The following COL4A3 variants were observed in gnomAD, a reference collection of about 807,000 sequenced individuals.
The protein encoded by COL4A3 is collagen alpha-3(IV) chain.
In COL4A3, 135 loss-of-function variants were observed where a neutral mutation model predicts 217.4. The ratio of observed to expected loss-of-function variants is 0.62; its 90% CI spans 0.54 to 0.72. The LOEUF is 0.72. Ranked by LOEUF, COL4A3 falls within the 30% of genes least tolerant of loss-of-function variation. The pLI, the probability that COL4A3 is intolerant of heterozygous loss-of-function variation, is 0.00. For missense variants in COL4A3, 1,868 were observed against 2,119.9 expected, an observed-to-expected ratio of 0.88 and a Z score of 2.33; for synonymous variants, 690 against 736.3, an observed-to-expected ratio of 0.94 and a Z score of 1.02.
In COL4A3 at chr2:227,237,365, T is replaced by G. The variant is rs184228060; in HGVS notation, c.88-603T>G. Among the ~76,000 whole-genome samples, 5 of 152,322 alleles carry G rather than the reference T, an allele frequency of 3.3e-5. No individual in the cohort carries two copies. In the South Asian group the frequency reaches 8.3e-4, roughly 25 times the overall value. ...TATATTGCATATTAATCTACACAAA[T>G]ATATATAAGGTTGGTGCAAAAGTTA... On this transcript the variant is annotated intron_variant, in intron 1 of 51. Coordinates refer to ENST00000396578, the MANE Select transcript of COL4A3 (RefSeq NM_000091.5).
intron 48 of COL4A3, among the ~76,000 whole-genome samples, chr2:227,308,493 C>A (rs577924116): frequency 1.3e-5 from 2 of 152,230 alleles, no homozygotes; most frequent in Non-Finnish European, 2.9e-5. Flanking sequence ...GGATTACAGG[C>A]GTGAGCCACC....
rs570842748 is a variant in COL4A3, at chr2:227,212,662, T to G, written c.88-25306T>G. ...CACAGTATCTTAATTACTATAATTT[T>G]ATACTATAAGTGTTGGAATCTAGAA... On this transcript the variant is annotated intron_variant, in intron 1 of 51. Coordinates refer to ENST00000396578, the MANE Select transcript of COL4A3 (RefSeq NM_000091.5). Among the ~76,000 whole-genome samples, 6 of 152,366 alleles carry G rather than the reference T, an allele frequency of 3.9e-5. No homozygotes were observed. In the East Asian group the frequency reaches 1.2e-3, roughly 29 times the overall value.
At chr2:227,199,706 C>T (rs552956450) in intron 1 of COL4A3, among the ~76,000 whole-genome samples, 2 of 152,324 alleles carry the variant, frequency 1.3e-5, no homozygotes, top group Non-Finnish European at 2.9e-5. Context: ...CCAGACTAAA[C>T]ATTCATATCT....
At chr2:227,220,625 A>G (rs1187077374) in intron 1 of COL4A3, among the ~76,000 whole-genome samples, 1 of 151,786 alleles carries the variant, frequency 6.6e-6, no homozygotes, top group East Asian at 1.9e-4. Context: ...ATCCATGGCT[A>G]ATTTATTTTA....
At position 227,277,522 on chromosome 2, in the gene COL4A3, A is replaced by T. The variant is rs766785260; in HGVS notation, c.2094A>T (p.Gly698=). Residue 698 remains glycine, a synonymous_variant, in exon 28 of 52, where the codon GGA becomes GGT. Coordinates refer to ENST00000396578, the MANE Select transcript of COL4A3 (RefSeq NM_000091.5). ...PGPDGEPGIP[G]IGFPGPPGPK... Reference sequence around the variant, plus strand: ...CTGATGGTGAACCAGGAATTCCAGGAATTGGATTTCCTGGGCCTCCTGGAC... The same window carrying T: ...CTGATGGTGAACCAGGAATTCCAGGTATTGGATTTCCTGGGCCTCCTGGAC... The T allele has an allele frequency of 5.0e-6, 8 of 1,612,290 alleles. No homozygotes were observed. The highest frequency in any genetic ancestry group is 3.3e-5 in the Admixed American group (2 of 59,900).
At chr2:227,288,779 T>A (rs1455100982) in intron 34 of COL4A3, among the ~76,000 whole-genome samples, 1 of 152,188 alleles carries the variant, frequency 6.6e-6, no homozygotes, top group African/African-American at 2.4e-5. Flanking sequence ...GCTTGACACA[T>A]ATTATTTCAT....
Position 227,164,931 on chromosome 2 carries a change from C to T in COL4A3, c.87+118C>T, listed in dbSNP as rs2065168225. The T allele has an allele frequency of 1.6e-6, 2 of 1,241,796 alleles. No individual in the cohort carries two copies. The highest frequency in any genetic ancestry group is 3.4e-5 in the Admixed American group (1 of 29,086). The allele number at this position is 1,241,796 out of a possible 1,614,324, so 76.9% of individuals were successfully genotyped here. Reference sequence around the variant, plus strand: ...AGTGGAGCGGCTGCCGGGCTAGTGGCGAGGCTGAGGGCTTCACGCAGGTCC... The same window carrying T: ...AGTGGAGCGGCTGCCGGGCTAGTGGTGAGGCTGAGGGCTTCACGCAGGTCC... On this transcript the variant is annotated intron_variant, in intron 1 of 51. Coordinates refer to ENST00000396578, the MANE Select transcript of COL4A3 (RefSeq NM_000091.5). The surrounding 1 kb of genome is among the most constrained non-coding windows in gnomAD (Gnocchi z 4.8).
chr2:227,305,017 G>T lies in COL4A3; in HGVS notation c.4186G>T (p.Asp1396Tyr). The T allele has an allele frequency of 6.2e-7, 1 of 1,613,994 alleles. No homozygotes were observed. Among genetic ancestry groups the T allele is most frequent in the Non-Finnish European group, 8.5e-7 (1 of 1,179,926 alleles). Residue 1396 changes from aspartate to tyrosine, a missense_variant, in exon 47 of 52, where the codon GAT (aspartate) becomes TAT (tyrosine). This residue lies in a region of COL4A3 where 1,503 missense variants were observed against 1,786.1 expected (regional missense o/e 0.84). Coordinates refer to ENST00000396578, the MANE Select transcript of COL4A3 (RefSeq NM_000091.5). ...PCGPRGKPGK[D>Y]GKPGTPGPAG... ...TGGGCCAAGAGGTAAGCCAGGCAAG[G>T]ATGGAAAACCAGGAACTCCTGGACC...
Position 227,220,136 on chromosome 2 carries a change from A to G in COL4A3, c.88-17832A>G, listed in dbSNP as rs1048773722. Among the ~76,000 whole-genome samples, 594 of 127,144 alleles carry G rather than the reference A, an allele frequency of 4.7e-3. 3 individuals carry two copies. Among genetic ancestry groups the G allele is most frequent in the African/African-American group, 0.017 (500 of 30,214 alleles). 83.4% of individuals were successfully genotyped at this position (127,144 alleles called of 152,430 possible). A position where few individuals can be genotyped will look rare whatever the true frequency, so the allele number is the denominator to read the frequency against. ...GCTTCTTGTTTAATAAGGCGGTTTTATGTGTGTGTGTGTGTGTGTGTGTGT... is the reference window on the plus strand; with the variant it reads ...GCTTCTTGTTTAATAAGGCGGTTTTGTGTGTGTGTGTGTGTGTGTGTGTGT... On this transcript the variant is annotated intron_variant, in intron 1 of 51. Coordinates refer to ENST00000396578, the MANE Select transcript of COL4A3 (RefSeq NM_000091.5).
intron 1 of COL4A3, among the ~76,000 whole-genome samples, chr2:227,218,662 T>C (rs1419298702): frequency 6.6e-6 from 1 of 152,160 alleles, no homozygotes; most frequent in East Asian, 1.9e-4. Flanking sequence ...AATCAAACTC[T>C]ACTTTAGCAA....
intron 18 of COL4A3, among the ~76,000 whole-genome samples, chr2:227,258,752 A>C (rs1385806277): frequency 6.6e-6 from 1 of 152,230 alleles, no homozygotes; most frequent in African/African-American, 2.4e-5. Flanking sequence ...GAGCACATTC[A>C]AACTATAGCA....
rs1553738334 is a variant in COL4A3 at position 227,202,763 on chromosome 2, A to ATATATTATATATATATATATATG, written c.88-35200_88-35199insTATATATATATATATATGTATAT. ...AAAAAAAAAATATATATATATATAT[A>ATATATTATATATATATATATATG]TATATATATCACATATATATACACA... On this transcript the variant is annotated intron_variant, in intron 1 of 51. Coordinates refer to ENST00000396578, the MANE Select transcript of COL4A3 (RefSeq NM_000091.5). Among the ~76,000 whole-genome samples the ATATATTATATATATATATATATG allele has an allele frequency of 5.5e-5, 6 of 109,630 alleles. 1 individual carries two copies. The highest frequency in any genetic ancestry group is 9.7e-5 in the Non-Finnish European group (5 of 51,496). The allele number at this position is 109,630 out of a possible 152,430, so 71.9% of individuals were successfully genotyped here. A position where few individuals can be genotyped will look rare whatever the true frequency, so the allele number is the denominator to read the frequency against.
chr2:227,236,946 C>T (rs1421572234), intron 1 of COL4A3, among the ~76,000 whole-genome samples: 2 of 152,196 alleles, frequency 1.3e-5, no homozygotes, highest in Non-Finnish European at 2.9e-5. Flanking sequence ...CAGGCATGAG[C>T]CACTGTGCCC....
At chr2:227,210,942 G>A (rs1384376169) in intron 1 of COL4A3, among the ~76,000 whole-genome samples, 3 of 152,046 alleles carry the variant, frequency 2.0e-5, no homozygotes, top group Non-Finnish European at 4.4e-5. Context: ...TTCAGTGTAC[G>A]TGTGTTCGTT....
chr2:227,236,339 C>T lies in COL4A3; in HGVS notation c.88-1629C>T, dbSNP rs1204960530. Among the ~76,000 whole-genome samples the T allele has an allele frequency of 2.6e-5, 4 of 152,292 alleles. No homozygotes were observed. The East Asian group carries it at 7.7e-4, about 29-fold the overall frequency. ...TCAAATGATGAATGCCTCAAAATTA[C>T]TGTGTGCTCCCTTCCTGGAATGACA... is the stretch of plus-strand genomic sequence containing the variant. On this transcript the variant is annotated intron_variant, in intron 1 of 51. Transcript: ENST00000396578.
Position 227,283,769 on chromosome 2 carries a change from G to A in COL4A3, c.2659G>A (p.Glu887Lys), listed in dbSNP as rs1460910053. 2 of 1,613,940 alleles carry A rather than the reference G, an allele frequency of 1.2e-6. No homozygotes were observed. The highest frequency in any genetic ancestry group is 1.6e-4 in the Middle Eastern group (1 of 6,062). ...GNPGILGPPG[E>K]DGVIGMMGFP... ...TTTGTGTTAATTTGTTTCCATAGGTGAAGATGGAGTGATTGGGATGATGGG... is the reference window on the plus strand; with the variant it reads ...TTTGTGTTAATTTGTTTCCATAGGTAAAGATGGAGTGATTGGGATGATGGG... The change falls in exon 33 of 52, where the codon GAA (glutamate) becomes AAA (lysine). Residue 887 changes from glutamate (E) to lysine (K), a missense_variant and splice_region_variant. By Grantham distance (56) the Glu-to-Lys change is moderately conservative. Transcript: ENST00000396578.
chr2:227,277,797 C>T (rs1027900113), intron 28 of COL4A3, among the ~76,000 whole-genome samples: 1 of 151,994 alleles, frequency 6.6e-6, no homozygotes, highest in African/African-American at 2.4e-5. Context: ...GTCAGGAGTT[C>T]GATACCAGCC....
At chr2:227,232,660 C>G (rs2068469747) in intron 1 of COL4A3, among the ~76,000 whole-genome samples, 1 of 152,096 alleles carries the variant, frequency 6.6e-6, no homozygotes, top group South Asian at 2.1e-4. Context: ...TGTTTGCTAT[C>G]TGTATGTCTT....
chr2:227,193,488 C>A (rs559254056), intron 1 of COL4A3, among the ~76,000 whole-genome samples: 1 of 152,106 alleles, frequency 6.6e-6, no homozygotes, highest in East Asian at 1.9e-4. Flanking sequence ...CCGAGGTGGG[C>A]GGATCACAAG....
Sources: gnomAD v4.1 joint callset for allele counts (sites outside exome capture counted in the v4.1 genomes callset) on GRCh38, gnomAD v4.1.1 for gene constraint, gnomAD v4.1.1 regional missense constraint, Gnocchi (gnomAD v3.1) non-coding constraint, MANE v1.5 for transcripts, NCBI Gene and HGNC (gene_info 2026-07-23, HGNC 2026-07-21) for gene names.